The following SNX4 variants were observed in gnomAD, a reference collection of about 807,000 sequenced individuals.
The protein encoded by SNX4 is sorting nexin-4.
In SNX4, 49 loss-of-function variants were observed where a neutral mutation model predicts 70.8. The ratio of observed to expected loss-of-function variants is 0.69; its 90% CI spans 0.55 to 0.88. The LOEUF (loss-of-function observed/expected upper bound fraction) is 0.88, where lower values mean the gene tolerates loss of function less well. Ranked by LOEUF, SNX4 falls within the 40% of genes least tolerant of loss-of-function variation. The probability of loss-of-function intolerance (pLI) is 0.00; values close to 1 mark genes in which losing one functional copy is unlikely to be tolerated. For missense variants in SNX4, 528 were observed against 544.8 expected (o/e 0.97, Z 0.31); for synonymous variants, 206 against 183.8 (o/e 1.12, Z -0.98).
intron 6 of SNX4, among the ~76,000 whole-genome samples, chr3:125,487,498 A>T (rs1934557952): frequency 6.6e-6 from 1 of 152,208 alleles, no homozygotes; most frequent in African/African-American, 2.4e-5. Flanking sequence ...ACTAGTATTA[A>T]TCAAAAATAT....
chr3:125,489,517 C>A, intron 5 of SNX4, 54 bp from the exon 6 acceptor site: 1 of 1,420,090 alleles, frequency 7.0e-7, no homozygotes, highest in Non-Finnish European at 9.9e-7. Flanking sequence ...GTATAAAATT[C>A]AAACAATTTT....
In SNX4 at chr3:125,497,405, A is replaced by C. The variant is rs868138581; in HGVS notation, c.550-17T>G. 3 of 1,527,402 alleles carry C rather than the reference A, an allele frequency of 2.0e-6. No individual in the cohort carries two copies. Among genetic ancestry groups the C allele is most frequent in the Middle Eastern group, 1.7e-4 (1 of 5,872 alleles). The allele number at this position is 1,527,402 out of a possible 1,614,324, so 94.6% of individuals were successfully genotyped here. ...GTTACCTTCCTAAAAATTGAAGTTAATTTTAGAAATCATTATTGCAAAGCA... is the reference window on the plus strand; with the variant it reads ...GTTACCTTCCTAAAAATTGAAGTTACTTTTAGAAATCATTATTGCAAAGCA... On this transcript the variant is annotated splice_polypyrimidine_tract_variant and intron_variant, in intron 4 of 13. Transcript: ENST00000251775.
intron 1 of SNX4, 147 bp downstream of exon 1, chr3:125,519,885 C>T: frequency 1.4e-6 from 1 of 704,230 alleles, no homozygotes. Flanking sequence ...CTGCGGACCC[C>T]GCCTTTCCAC....
At chr3:125,487,012 T>G (rs1934547508) in intron 6 of SNX4, among the ~76,000 whole-genome samples, 1 of 152,174 alleles carries the variant, frequency 6.6e-6, no homozygotes, top group Admixed American at 6.6e-5. Context: ...ACTCACTTGC[T>G]CTTAACAGTC....
intron 12 of SNX4, 119 bp from the exon 13 acceptor site, chr3:125,451,538 C>T: frequency 1.5e-6 from 1 of 651,096 alleles, no homozygotes; most frequent in Non-Finnish European, 2.7e-6. Flanking sequence ...AGAGTTATTG[C>T]TTGTATAAGA....
chr3:125,490,230 A>C (rs939054518), intron 5 of SNX4, among the ~76,000 whole-genome samples: 1 of 152,026 alleles, frequency 6.6e-6, no homozygotes, highest in African/African-American at 2.4e-5. Flanking sequence ...TTTAGAAGAA[A>C]GAATATAGAA....
intron 1 of SNX4, among the ~76,000 whole-genome samples, chr3:125,507,455 G>A (rs1378524497): frequency 6.6e-6 from 1 of 152,056 alleles, no homozygotes; most frequent in African/African-American, 2.4e-5. Context: ...GGAGAGGGGA[G>A]AGAGAAAAAG....
chr3:125,519,255 G>A (rs4630895), intron 1 of SNX4, among the ~76,000 whole-genome samples: 72,752 of 151,822 alleles, frequency 0.48, 17,881 homozygotes, highest in African/African-American at 0.57. Flanking sequence ...AATTGTATAT[G>A]CAAACACTTT....
chr3:125,500,476 CATATCAAAA>C (rs1280754987), intron 2 of SNX4, among the ~76,000 whole-genome samples: 1 of 152,014 alleles, frequency 6.6e-6, no homozygotes, highest in African/African-American at 2.4e-5. Flanking sequence ...AGAATAGGCA[CATATCAAAA>C]ATATCCTGTT....
chr3:125,518,438 G>A (rs1289943262), intron 1 of SNX4, among the ~76,000 whole-genome samples: 2 of 152,070 alleles, frequency 1.3e-5, no homozygotes, highest in Admixed American at 6.6e-5. Flanking sequence ...CTCCAGCCTG[G>A]GAGACAGAGT....
chr3:125,455,686 C>T (rs1487177635), intron 11 of SNX4, among the ~76,000 whole-genome samples: 1 of 152,124 alleles, frequency 6.6e-6, no homozygotes, highest in Non-Finnish European at 1.5e-5. Context: ...ACAGATGTAG[C>T]CAGTGGGTAA....
intron 1 of SNX4, among the ~76,000 whole-genome samples, chr3:125,518,540 T>C (rs1478938253): frequency 3.3e-5 from 5 of 152,284 alleles, no homozygotes; most frequent in South Asian, 2.1e-4. Flanking sequence ...GGCAAAACTT[T>C]CAAATCCTGA....
In SNX4 at chr3:125,480,258, G is replaced by C; in HGVS notation, c.715C>G (p.Arg239Gly). The C allele has an allele frequency of 6.4e-7, 1 of 1,559,334 alleles. No individual in the cohort carries two copies. The highest frequency in any genetic ancestry group is 1.4e-5 in the African/African-American group (1 of 73,472). ...ELQSVISHLL[R>G]VRARVADRLY... is the part of the protein sequence containing the mutation. The stretch of plus-strand genomic sequence containing the variant: ...TGGGGACCACTTACAGCTCTGACTC[G>C]AAGAAGATGTGAGATGACAGACTGC... The change falls in exon 7 of 14, where the codon CGA (arginine) becomes GGA (glycine). Residue 239 changes from arginine (R) to glycine (G), a missense_variant. Arg to Gly is a moderately radical substitution (Grantham distance 125). Around this residue, in one of 3 missense-constraint regions of SNX4, gnomAD observed 341 missense variants for 312.2 expected, o/e 1.09. Coordinates refer to ENST00000251775, the MANE Select transcript of SNX4 (RefSeq NM_003794.4).
intron 2 of SNX4, among the ~76,000 whole-genome samples, chr3:125,504,285 A>G (rs1934994776): frequency 6.6e-6 from 1 of 150,832 alleles, no homozygotes; most frequent in Non-Finnish European, 1.5e-5. Flanking sequence ...GTGAGCCAAG[A>G]TCATGCCACT....
At chr3:125,519,053 T>C (rs976419120) in intron 1 of SNX4, among the ~76,000 whole-genome samples, 1 of 151,848 alleles carries the variant, frequency 6.6e-6, no homozygotes, top group African/African-American at 2.4e-5. Flanking sequence ...TAGCCGTGCG[T>C]GGTGGTGTGT....
At chr3:125,461,450 A>G (rs1933881188) in intron 9 of SNX4, among the ~76,000 whole-genome samples, 1 of 152,208 alleles carries the variant, frequency 6.6e-6, no homozygotes, top group South Asian at 2.1e-4. Context: ...TCTTTTTCAT[A>G]GGCAGTTTAA....
rs1241275098 is a variant in SNX4 at position 125,460,876 on chromosome 3, AAAC to A, written c.855-19_855-17del. On this transcript the variant is annotated splice_polypyrimidine_tract_variant and intron_variant, in intron 9 of 13. Transcript: ENST00000251775. Reference sequence around the variant, plus strand: ...AGATGCATACCTGTTTTAAAAAAAAAAACACACATTGCATAGAGTTACTTTCAT... The same window carrying A: ...AGATGCATACCTGTTTTAAAAAAAAAACACATTGCATAGAGTTACTTTCAT... 1.6e-6 allele frequency: 2 copies of A among 1,248,290 alleles called. No homozygotes were observed. Among genetic ancestry groups the A allele is most frequent in the Non-Finnish European group, 2.2e-6 (2 of 899,976 alleles). The allele number at this position is 1,248,290 out of a possible 1,614,324, so 77.3% of individuals were successfully genotyped here.
Position 125,473,681 on chromosome 3 carries a change from C to T in SNX4, c.788+3014G>A, listed in dbSNP as rs140334570. ...CTGCCCGCATCGGCCTCTCAAAGTG[C>T]TGGGATTACAGGCATGAGCCACTGT... On this transcript the variant is annotated intron_variant, in intron 8 of 13. Transcript: ENST00000251775. 4.8e-3 allele frequency among the ~76,000 whole-genome samples: 731 copies of T among 152,324 alleles called. 8 individuals are homozygous for T. The highest frequency in any genetic ancestry group is 7.6e-3 in the Non-Finnish European group (514 of 68,012).
chr3:125,463,927 G>C (rs1933943400), intron 9 of SNX4, among the ~76,000 whole-genome samples: 2 of 151,932 alleles, frequency 1.3e-5, no homozygotes, highest in South Asian at 2.1e-4. Context: ...AAATAGTAAA[G>C]GCCTGGCGGG....
Sources: gnomAD v4.1 joint callset for allele counts (sites outside exome capture counted in the v4.1 genomes callset) on GRCh38, gnomAD v4.1.1 for gene constraint, gnomAD v4.1.1 regional missense constraint, MANE v1.5 for transcripts, NCBI Gene and HGNC (gene_info 2026-07-23, HGNC 2026-07-21) for gene names.